Variants in P3H2 observed in about 807,000 individuals in gnomAD.
P3H2 encodes leprecan-like 1.
Under a neutral mutation model 87.0 loss-of-function variants are expected in P3H2, and 80 were observed. That is an observed-to-expected ratio of 0.92 (90% CI 0.77 to 1.11). The LOEUF is 1.11. Ranked by LOEUF, P3H2 falls within the 50% of genes least tolerant of loss-of-function variation. The pLI, the probability that P3H2 is intolerant of heterozygous loss-of-function variation, is 0.00. For missense variants in P3H2, 1,001 were observed against 923.9 expected (o/e 1.08, Z -1.08); for synonymous variants, 367 against 359.3 (o/e 1.02, Z -0.24).
chr3:190,018,690 C>T (rs1285177286), intron 1 of P3H2, among the ~76,000 whole-genome samples: 1 of 152,196 alleles, frequency 6.6e-6, no homozygotes, highest in Non-Finnish European at 1.5e-5. Context: ...GCCTGGGCAA[C>T]ACAGCAAGAC....
chr3:189,982,175 C>T (rs1031538840), intron 8 of P3H2, among the ~76,000 whole-genome samples: 4 of 152,088 alleles, frequency 2.6e-5, no homozygotes, highest in East Asian at 1.9e-4. Context: ...AATGGGATTT[C>T]GGGTCAAATG....
chr3:189,960,726 T>C (rs1171625735), intron 14 of P3H2, among the ~76,000 whole-genome samples: 5 of 152,236 alleles, frequency 3.3e-5, no homozygotes, highest in African/African-American at 1.2e-4. Flanking sequence ...GCATTCCCCA[T>C]AGGCGGTCTT....
intron 1 of P3H2, among the ~76,000 whole-genome samples, chr3:190,109,847 T>TC (rs1274604845): frequency 2.1e-5 from 1 of 48,030 alleles, no homozygotes; most frequent in Admixed American, 1.5e-4. Context: ...TGCCCAGTCT[T>TC]TTTTTTTTTT....
chr3:190,019,414 T>TATTC (rs757319707), intron 1 of P3H2, among the ~76,000 whole-genome samples: 25 of 152,322 alleles, frequency 1.6e-4, no homozygotes, highest in Non-Finnish European at 2.9e-4. Context: ...ATTGTCAAAA[T>TATTC]ATTCAATAGC....
chr3:190,037,368 G>T (rs2108951739), intron 1 of P3H2, among the ~76,000 whole-genome samples: 1 of 152,026 alleles, frequency 6.6e-6, no homozygotes, highest in African/African-American at 2.4e-5. Flanking sequence ...TTTCTCCCCA[G>T]AAAGATGATC....
At chr3:190,119,149 GGGGAGGGGA>G (rs1712419280) in intron 1 of P3H2, among the ~76,000 whole-genome samples, 1 of 35,250 alleles carries the variant, frequency 2.8e-5, no homozygotes, top group African/African-American at 1.2e-4. Flanking sequence ...GGGGAGGGGA[GGGGAGGGGA>G]GGGGAGGGGA....
At chr3:189,972,411 C>T (rs1560342216) in intron 11 of P3H2, among the ~76,000 whole-genome samples, 1 of 152,144 alleles carries the variant, frequency 6.6e-6, no homozygotes, top group Non-Finnish European at 1.5e-5. Context: ...TCATTATTCC[C>T]CCCGCCCCAT....
rs113838514 is a variant in P3H2 at position 190,052,199 on chromosome 3, C to A, written c.481-56757G>T. 4.5e-3 allele frequency among the ~76,000 whole-genome samples: 691 copies of A among 152,202 alleles called. 4 individuals carry two copies. Among genetic ancestry groups the A allele is most frequent in the African/African-American group, 0.015 (618 of 41,540 alleles). ...CAACCTGTCATTCAGGTTCTAAGTC[C>A]CGCATGCATTAAGTATTTGTCCTAA... On this transcript the variant is annotated intron_variant, in intron 1 of 14. Coordinates refer to ENST00000319332, the MANE Select transcript of P3H2 (RefSeq NM_018192.4).
chr3:190,052,459 T>G (rs1271352573), intron 1 of P3H2, among the ~76,000 whole-genome samples: 3 of 152,196 alleles, frequency 2.0e-5, no homozygotes, highest in African/African-American at 7.2e-5. Context: ...ACAAACTTCT[T>G]TTAAAATATG....
At chr3:189,980,057 A>G (rs1430015033) in intron 8 of P3H2, among the ~76,000 whole-genome samples, 1 of 152,186 alleles carries the variant, frequency 6.6e-6, no homozygotes, top group Non-Finnish European at 1.5e-5. Context: ...CATATCACGC[A>G]TGTTTCATGG....
chr3:190,020,199 CTG>C lies in P3H2; in HGVS notation c.481-24759_481-24758del, dbSNP rs149142033. Among the ~76,000 whole-genome samples, 176 of 133,942 alleles carry C rather than the reference CTG, an allele frequency of 1.3e-3. 25 individuals are homozygous for C. Among genetic ancestry groups the C allele is most frequent in the African/African-American group, 4.4e-3 (169 of 38,772 alleles). 87.9% of individuals were successfully genotyped at this position (133,942 alleles called of 152,430 possible). A position where few individuals can be genotyped will look rare whatever the true frequency, so the allele number is the denominator to read the frequency against. On this transcript the variant is annotated intron_variant, in intron 1 of 14. Transcript: ENST00000319332. Reference sequence around the variant, plus strand: ...CACCAGGTTTCTGGCAAAACAGAGACTGTAGGTTTCAGGAAACCTACACCAGG... The same window carrying C: ...CACCAGGTTTCTGGCAAAACAGAGACTAGGTTTCAGGAAACCTACACCAGG...
Position 189,982,038 on chromosome 3 carries a change from G to T in P3H2, c.1324+1008C>A, listed in dbSNP as rs144743423. Reference sequence around the variant, plus strand: ...GTGCTGACAAGATCTCCTGGGGAAAGAAGTACTGTACAGCTTCCCAATGCA... The same window carrying T: ...GTGCTGACAAGATCTCCTGGGGAAATAAGTACTGTACAGCTTCCCAATGCA... On this transcript the variant is annotated intron_variant, in intron 8 of 14. Transcript: ENST00000319332. Among the ~76,000 whole-genome samples the T allele has an allele frequency of 1.1e-4, 17 of 152,342 alleles. No individual in the cohort carries two copies. In the East Asian group the frequency reaches 3.1e-3, roughly 28 times the overall value.
At chr3:189,964,928 T>G (rs1049669565) in intron 13 of P3H2, among the ~76,000 whole-genome samples, 1 of 152,260 alleles carries the variant, frequency 6.6e-6, no homozygotes, top group African/African-American at 2.4e-5. Flanking sequence ...TGAATGAGCT[T>G]AAGCAACTGA....
intron 1 of P3H2, among the ~76,000 whole-genome samples, chr3:190,036,436 T>G (rs375769771): frequency 6.6e-6 from 1 of 152,030 alleles, no homozygotes; most frequent in Admixed American, 6.6e-5. Flanking sequence ...CAAATGACTA[T>G]GCCTTAATAA....
intron 1 of P3H2, among the ~76,000 whole-genome samples, chr3:190,048,276 A>G (rs992678617): frequency 6.6e-6 from 1 of 152,162 alleles, no homozygotes; most frequent in Non-Finnish European, 1.5e-5. Flanking sequence ...TGGGCAGATC[A>G]CTTGAGGTCA....
intron 14 of P3H2, among the ~76,000 whole-genome samples, chr3:189,959,858 A>ATGTGTG (rs1491348642): frequency 1.5e-5 from 2 of 131,058 alleles, no homozygotes; most frequent in African/African-American, 3.1e-5. Context: ...ACTGGAGGAG[A>ATGTGTG]TATGTGTGTG....
At chr3:190,075,622 CA>C (rs1486691803) in intron 1 of P3H2, among the ~76,000 whole-genome samples, 4 of 151,952 alleles carry the variant, frequency 2.6e-5, no homozygotes, top group Non-Finnish European at 4.4e-5. Context: ...GAAAGCTTCC[CA>C]AAATATATGG....
At chr3:189,986,720 G>A (rs1180255115) in intron 6 of P3H2, 68 bp downstream of exon 6, 1 of 1,143,892 alleles carries the variant, frequency 8.7e-7, no homozygotes, top group Non-Finnish European at 1.3e-6. Context: ...AATGGAGGCA[G>A]GTAATAAAAA....
chr3:189,994,126 C>T lies in P3H2; in HGVS notation c.791G>A (p.Gly264Glu), dbSNP rs1248857394. 1.9e-6 allele frequency: 3 copies of T among 1,613,294 alleles called. No homozygotes were observed. Among genetic ancestry groups the T allele is most frequent in the Non-Finnish European group, 2.5e-6 (3 of 1,179,716 alleles). ...AGCTTCATACAGACCAGCCTTATAC[C>T]CTAAATACTCATATTCTTCAAATCT... Reference protein sequence around the residue: ...PQRFEEYEYLGYKAGLYEAIA... With the variant: ...PQRFEEYEYLEYKAGLYEAIA... Residue 264 changes from glycine (G) to glutamate (E), a missense_variant, in exon 3 of 15, where the codon GGG (glycine) becomes GAG (glutamate). Coordinates refer to ENST00000319332, the MANE Select transcript of P3H2 (RefSeq NM_018192.4).
Sources: gnomAD v4.1 joint callset for allele counts (sites outside exome capture counted in the v4.1 genomes callset) on GRCh38, gnomAD v4.1.1 for gene constraint, MANE v1.5 for transcripts, NCBI Gene and HGNC (gene_info 2026-07-23, HGNC 2026-07-21) for gene names.